The following EFCAB11 variants were observed in gnomAD, a reference collection of about 807,000 sequenced individuals.
EFCAB11 encodes the protein EF-hand calcium-binding domain-containing protein 11.
EFCAB11 carries 14 observed loss-of-function variants against 23.0 expected under a neutral mutation model. That is an observed-to-expected ratio of 0.61 (90% CI 0.40 to 0.95). The LOEUF is 0.95. Among genes scored for constraint, EFCAB11 ranks in the 40% least tolerant of loss-of-function variants. EFCAB11 has a pLI of 0.00. For missense variants in EFCAB11, 198 were observed against 195.8 expected, an observed-to-expected ratio of 1.01 and a Z score of -0.07; for synonymous variants, 65 against 66.6, an observed-to-expected ratio of 0.98 and a Z score of 0.11.
At chr14:89,885,747 A>G (rs1240517724) in intron 5 of EFCAB11, among the ~76,000 whole-genome samples, 161 of 67,314 alleles carry the variant, frequency 2.4e-3, no homozygotes, top group African/African-American at 8.4e-3. Context: ...GAGAGAAAGA[A>G]AGGAAAGAAA....
In EFCAB11 at chr14:89,954,555, T is replaced by C. The variant is rs767750375; in HGVS notation, c.75+31A>G. The stretch of plus-strand genomic sequence containing the variant: ...GCGAGAGGCCCAGGCCAAGCTGAAG[T>C]CCGAGGCTCAGTCGCCCTCCGGAAA... On this transcript the variant is annotated intron_variant, in intron 1 of 5. Coordinates refer to ENST00000316738, the MANE Select transcript of EFCAB11 (RefSeq NM_145231.4). 2.5e-5 allele frequency: 41 copies of C among 1,610,726 alleles called. No homozygotes were observed. The Admixed American group carries it at 5.7e-4, about 22-fold the overall frequency.
chr14:89,872,402 T>C (rs543877291), intron 5 of EFCAB11, among the ~76,000 whole-genome samples: 1 of 152,206 alleles, frequency 6.6e-6, no homozygotes, highest in African/African-American at 2.4e-5. Context: ...ACAGTGCAAG[T>C]AGGAAAGAGT....
chr14:89,944,296 G>A (rs550516075), intron 3 of EFCAB11, among the ~76,000 whole-genome samples: 15 of 152,264 alleles, frequency 9.9e-5, no homozygotes, highest in African/African-American at 2.9e-4. Flanking sequence ...ATCAAATCTC[G>A]TGAGACTTAT....
intron 5 of EFCAB11, among the ~76,000 whole-genome samples, chr14:89,816,164 C>T (rs1886331958): frequency 6.6e-6 from 1 of 152,026 alleles, no homozygotes; most frequent in African/African-American, 2.4e-5. Flanking sequence ...AATGGAGTTG[C>T]TTCCTTGATT....
intron 5 of EFCAB11, among the ~76,000 whole-genome samples, chr14:89,918,037 G>T (rs933930639): frequency 1.3e-5 from 2 of 152,154 alleles, no homozygotes; most frequent in African/African-American, 4.8e-5. Flanking sequence ...CTGAGAAAAA[G>T]GACAGGGGAC....
At chr14:89,871,241 C>T (rs1888259134) in intron 5 of EFCAB11, among the ~76,000 whole-genome samples, 1 of 152,188 alleles carries the variant, frequency 6.6e-6, no homozygotes, top group South Asian at 2.1e-4. Context: ...ACAAGTATTA[C>T]ATGCCCTACC....
Position 89,883,117 on chromosome 14 carries a change from C to T in EFCAB11, c.410+48424G>A, listed in dbSNP as rs534496610. ...GATGCAAAACGCCCAATCTTGAACT[C>T]TCCAGCCATCAGAATTTTTAGCCAA... is the stretch of plus-strand genomic sequence containing the variant. On this transcript the variant is annotated intron_variant, in intron 5 of 5. Transcript: ENST00000316738. Among the ~76,000 whole-genome samples, 316 of 152,214 alleles carry T rather than the reference C, an allele frequency of 2.1e-3. 1 individual carries two copies. Among genetic ancestry groups the T allele is most frequent in the African/African-American group, 7.2e-3 (300 of 41,526 alleles).
Position 89,794,763 on chromosome 14 carries a change from A to AT in EFCAB11, c.*2479dup, listed in dbSNP as rs1277804728. ...TTTAACAGGTTTTGAATAAGACTTT[A>AT]TTTTTTAAATGAATTTTTAATTTTA... On this transcript the variant is annotated 3_prime_UTR_variant, in exon 6 of 6. Transcript: ENST00000316738. 1 of 152,138 alleles carries AT rather than the reference A, an allele frequency of 6.6e-6. No homozygotes were observed. The highest frequency in any genetic ancestry group is 1.5e-5 in the Non-Finnish European group (1 of 68,008). 9.4% of individuals were successfully genotyped at this position (152,138 alleles called of 1,614,324 possible). A position where few individuals can be genotyped will look rare whatever the true frequency, so the allele number is the denominator to read the frequency against.
chr14:89,810,262 C>A (rs1347475914), intron 5 of EFCAB11, among the ~76,000 whole-genome samples: 1 of 152,170 alleles, frequency 6.6e-6, no homozygotes, highest in African/African-American at 2.4e-5. Flanking sequence ...AAGAACTCAC[C>A]ACCCTATGAT....
At position 89,917,082 on chromosome 14, in the gene EFCAB11, GTGTGTGTGTGTGTGTA is replaced by G. The variant is rs369198887; in HGVS notation, c.410+14443_410+14458del. Reference sequence around the variant, plus strand: ...TGTGTGTGTGTGTGTGTGTGTGTGTGTGTGTGTGTGTGTGTATGTGTGTGTTGAAAACACTTAAGAT... The same window carrying G: ...TGTGTGTGTGTGTGTGTGTGTGTGTGTGTGTGTGTTGAAAACACTTAAGAT... On this transcript the variant is annotated intron_variant, in intron 5 of 5. Coordinates refer to ENST00000316738, the MANE Select transcript of EFCAB11 (RefSeq NM_145231.4). 8.6e-3 allele frequency among the ~76,000 whole-genome samples: 1,172 copies of G among 135,866 alleles called. 19 individuals carry two copies. Among genetic ancestry groups the G allele is most frequent in the African/African-American group, 0.038 (1,027 of 27,192 alleles). The allele number at this position is 135,866 out of a possible 152,430, so 89.1% of individuals were successfully genotyped here. A position where few individuals can be genotyped will look rare whatever the true frequency, so the allele number is the denominator to read the frequency against.
At chr14:89,931,246 G>A (rs59272086) in intron 5 of EFCAB11, 52,329 of 311,390 alleles carry the variant, frequency 0.17, 5,325 homozygotes, top group South Asian at 0.3. Flanking sequence ...TGGTTCACAC[G>A]TAAGTATCTG....
chr14:89,884,075 C>T (rs1267164625), intron 5 of EFCAB11, among the ~76,000 whole-genome samples: 1 of 152,136 alleles, frequency 6.6e-6, no homozygotes, highest in Admixed American at 6.5e-5. Context: ...TATAGTGAGC[C>T]ATGCTCTCAC....
At chr14:89,946,039 C>A (rs530547193) in intron 3 of EFCAB11, among the ~76,000 whole-genome samples, 2 of 152,022 alleles carry the variant, frequency 1.3e-5, no homozygotes, top group South Asian at 4.2e-4. Flanking sequence ...GTGCCTCAGC[C>A]CCCCGAGTAG....
At chr14:89,824,787 G>A (rs1886636276) in intron 5 of EFCAB11, among the ~76,000 whole-genome samples, 1 of 151,878 alleles carries the variant, frequency 6.6e-6, no homozygotes, top group Admixed American at 6.6e-5. Flanking sequence ...ATTATAGCAG[G>A]GTCGATTAAT....
chr14:89,869,944 A>C (rs1464583443), intron 5 of EFCAB11, among the ~76,000 whole-genome samples: 5 of 152,250 alleles, frequency 3.3e-5, no homozygotes, highest in Non-Finnish European at 7.3e-5. Flanking sequence ...CACAGGGGAC[A>C]CAAAAAGCAC....
intron 5 of EFCAB11, among the ~76,000 whole-genome samples, chr14:89,844,662 G>A (rs903517003): frequency 6.6e-6 from 1 of 152,186 alleles, no homozygotes; most frequent in African/African-American, 2.4e-5. Context: ...CTCACTCTCA[G>A]CCTTCCCAGT....
At chr14:89,948,896 A>G (rs1891067300) in intron 3 of EFCAB11, among the ~76,000 whole-genome samples, 1 of 151,614 alleles carries the variant, frequency 6.6e-6, no homozygotes, top group African/African-American at 2.4e-5. Context: ...AAAAAAAAAT[A>G]GAGTAAGACC....
At chr14:89,914,198 T>C (rs1465183210) in intron 5 of EFCAB11, among the ~76,000 whole-genome samples, 1 of 152,234 alleles carries the variant, frequency 6.6e-6, no homozygotes, top group Non-Finnish European at 1.5e-5. Flanking sequence ...TACAAAATCC[T>C]TGTGGAACTT....
chr14:89,823,309 G>A (rs1402878533), intron 5 of EFCAB11, among the ~76,000 whole-genome samples: 1 of 152,156 alleles, frequency 6.6e-6, no homozygotes, highest in Non-Finnish European at 1.5e-5. Context: ...CAGCCACAAG[G>A]AACTGGATTC....
Sources: allele counts gnomAD v4.1 joint callset (sites outside exome capture counted in the v4.1 genomes callset), GRCh38; gene constraint gnomAD v4.1.1; transcripts MANE v1.5; gene names NCBI Gene and HGNC (gene_info 2026-07-23, HGNC 2026-07-21).